BCAP29: variants seen among roughly 807,000 people sequenced by gnomAD.
The protein encoded by BCAP29 is B-cell receptor-associated protein 29.
Under a neutral mutation model 31.8 loss-of-function variants are expected in BCAP29, and 34 were observed. The ratio of observed to expected loss-of-function variants is 1.07; its 90% CI spans 0.81 to 1.42. The LOEUF (loss-of-function observed/expected upper bound fraction) is 1.42. BCAP29 is among the 40% of genes most tolerant of loss of function. The pLI, the probability that BCAP29 is intolerant of heterozygous loss-of-function variation, is 0.00. For missense variants in BCAP29, 314 were observed against 269.2 expected, an observed-to-expected ratio of 1.17 and a Z score of -1.16; for synonymous variants, 104 against 91.3, an observed-to-expected ratio of 1.14 and a Z score of -0.79.
chr7:107,598,438 G>C (rs1028166820), intron 5 of BCAP29, among the ~76,000 whole-genome samples: 1 of 152,040 alleles, frequency 6.6e-6, no homozygotes, highest in African/African-American at 2.4e-5. Flanking sequence ...ATATGCATTA[G>C]AGCTTTAATT....
chr7:107,599,309 T>A lies in BCAP29; in HGVS notation c.481-1088T>A, dbSNP rs548359629. 3.2e-3 allele frequency among the ~76,000 whole-genome samples: 217 copies of A among 68,306 alleles called. 2 individuals are homozygous for A. The highest frequency in any genetic ancestry group is 8.6e-3 in the African/African-American group (129 of 14,956). 44.8% of individuals were successfully genotyped at this position (68,306 alleles called of 152,430 possible). Reference sequence around the variant, plus strand: ...TTTATATATAAATTATATATAAATTTTATATATATATATATAAATATATAT... The same window carrying A: ...TTTATATATAAATTATATATAAATTATATATATATATATATAAATATATAT... On this transcript the variant is annotated intron_variant, in intron 5 of 7. Coordinates refer to ENST00000005259, the MANE Select transcript of BCAP29 (RefSeq NM_018844.4).
Position 107,601,223 on chromosome 7 carries a change from G to T in BCAP29, c.589+718G>T, listed in dbSNP as rs1280490464. ...CAAGAAAACTCAGTGTAAGTTTGTG[G>T]CTTGATGATTTGCAACATTTCTGCA... On this transcript the variant is annotated intron_variant, in intron 6 of 7. Coordinates refer to ENST00000005259, the MANE Select transcript of BCAP29 (RefSeq NM_018844.4). Among the ~76,000 whole-genome samples the T allele has an allele frequency of 5.3e-5, 8 of 152,242 alleles. 2 individuals are homozygous for T. Among genetic ancestry groups the T allele is most frequent in the African/African-American group, 1.9e-4 (8 of 41,538 alleles).
At chr7:107,598,742 C>T (rs901221365) in intron 5 of BCAP29, among the ~76,000 whole-genome samples, 1 of 151,696 alleles carries the variant, frequency 6.6e-6, no homozygotes, top group African/African-American at 2.4e-5. Context: ...CTCCTGTGTT[C>T]CTTTTTTACC....
At chr7:107,598,969 T>A (rs1810371424) in intron 5 of BCAP29, among the ~76,000 whole-genome samples, 1 of 137,234 alleles carries the variant, frequency 7.3e-6, no homozygotes. Flanking sequence ...ATATATAAAT[T>A]TATATATCTA....
chr7:107,608,559 C>T (rs948470525), intron 6 of BCAP29, among the ~76,000 whole-genome samples: 1 of 151,910 alleles, frequency 6.6e-6, no homozygotes, highest in East Asian at 1.9e-4. Context: ...CATTTCCTGC[C>T]CCATTCTTAG....
intron 6 of BCAP29, among the ~76,000 whole-genome samples, chr7:107,602,632 A>G (rs1174587252): frequency 6.6e-6 from 1 of 152,150 alleles, no homozygotes; most frequent in African/African-American, 2.4e-5. Flanking sequence ...ACTTAAATCT[A>G]AGTGAAACAT....
chr7:107,611,115 T>C (rs1813045509), intron 6 of BCAP29, among the ~76,000 whole-genome samples: 1 of 152,160 alleles, frequency 6.6e-6, no homozygotes, highest in African/African-American at 2.4e-5. Flanking sequence ...TGGGGCCTCT[T>C]TTTATTAGTG....
intron 5 of BCAP29, among the ~76,000 whole-genome samples, chr7:107,596,900 A>G (rs575731769): frequency 3.5e-4 from 53 of 152,250 alleles, no homozygotes; most frequent in African/African-American, 1.3e-3. Context: ...ATGATTACCA[A>G]TTCCTTGACC....
intron 6 of BCAP29, among the ~76,000 whole-genome samples, chr7:107,608,616 C>T (rs1022327026): frequency 5.3e-5 from 8 of 151,712 alleles, no homozygotes; most frequent in Non-Finnish European, 1.0e-4. Context: ...TTCTTTGGTA[C>T]TATTTATTTA....
rs1238835908 is a variant in BCAP29, at chr7:107,620,320, C to T, written c.*1957C>T. ...ATAATTTGCTAAACATAAAATATTG[C>T]AGTGTATTAGCCGGCTGTGGCTCCA... On this transcript the variant is annotated 3_prime_UTR_variant, in exon 8 of 8. Coordinates refer to ENST00000005259, the MANE Select transcript of BCAP29 (RefSeq NM_018844.4). 6.6e-6 allele frequency: 1 copy of T among 152,148 alleles called. No homozygotes were observed. The highest frequency in any genetic ancestry group is 2.4e-5 in the African/African-American group (1 of 41,444). 9.4% of individuals were successfully genotyped at this position (152,148 alleles called of 1,614,324 possible). A position where few individuals can be genotyped will look rare whatever the true frequency, so the allele number is the denominator to read the frequency against.
intron 5 of BCAP29, among the ~76,000 whole-genome samples, chr7:107,597,528 A>G (rs180908977): frequency 6.6e-6 from 1 of 152,316 alleles, no homozygotes; most frequent in Admixed American, 6.5e-5. Context: ...AATAATAGTT[A>G]ACATTGTGCC....
chr7:107,592,313 A>G (rs1288226965), intron 3 of BCAP29, among the ~76,000 whole-genome samples: 1 of 152,234 alleles, frequency 6.6e-6, no homozygotes, highest in Non-Finnish European at 1.5e-5. Context: ...TGATATACAA[A>G]TGATCAACAA....
intron 4 of BCAP29, among the ~76,000 whole-genome samples, chr7:107,594,487 A>AATTTT (rs1809443982): frequency 1.6e-5 from 1 of 63,058 alleles, no homozygotes; most frequent in Non-Finnish European, 3.1e-5. Context: ...AGCCTACTGT[A>AATTTT]GTTTTGTTTG....
chr7:107,619,940 A>G lies in BCAP29; in HGVS notation c.*1577A>G, dbSNP rs1814774762. ...TTTAGCCATGCTAGCCTAGGCCTCT[A>G]TTTCCTTGTCTCCAAAATGAGAATA... On this transcript the variant is annotated 3_prime_UTR_variant, in exon 8 of 8. Transcript: ENST00000005259. 1 of 152,176 alleles carries G rather than the reference A, an allele frequency of 6.6e-6. No homozygotes were observed. The highest frequency in any genetic ancestry group is 6.5e-5 in the Admixed American group (1 of 15,272). 9.4% of individuals were successfully genotyped at this position (152,176 alleles called of 1,614,324 possible). A position where few individuals can be genotyped will look rare whatever the true frequency, so the allele number is the denominator to read the frequency against.
At chr7:107,581,907 G>A (rs1450539286) in intron 2 of BCAP29, among the ~76,000 whole-genome samples, 1 of 152,098 alleles carries the variant, frequency 6.6e-6, no homozygotes, top group East Asian at 1.9e-4. Context: ...TTCCACCCAT[G>A]TTCTATATAT....
Position 107,583,878 on chromosome 7 carries a change from A to T in BCAP29, c.93-4A>T. The T allele has an allele frequency of 6.6e-7, 1 of 1,519,784 alleles. No homozygotes were observed. The highest frequency in any genetic ancestry group is 9.0e-7 in the Non-Finnish European group (1 of 1,115,580). 94.1% of individuals were successfully genotyped at this position (1,519,784 alleles called of 1,614,324 possible). A position where few individuals can be genotyped will look rare whatever the true frequency, so the allele number is the denominator to read the frequency against. On this transcript the variant is annotated splice_polypyrimidine_tract_variant and splice_region_variant and intron_variant, in intron 2 of 7. Transcript: ENST00000005259. Reference sequence around the variant, plus strand: ...ATACCTAATATAATTGTATTGCTTTACAGATGGCAGAAGATTTTTTCATTT... The same window carrying T: ...ATACCTAATATAATTGTATTGCTTTTCAGATGGCAGAAGATTTTTTCATTT...
intron 3 of BCAP29, among the ~76,000 whole-genome samples, chr7:107,590,059 A>T (rs1021304867): frequency 2.6e-5 from 4 of 152,226 alleles, no homozygotes; most frequent in African/African-American, 9.6e-5. Flanking sequence ...TCACAAAGGA[A>T]ATTAGAAAAT....
intron 3 of BCAP29, among the ~76,000 whole-genome samples, chr7:107,592,679 T>C (rs1230767777): frequency 6.6e-6 from 1 of 152,212 alleles, no homozygotes; most frequent in Non-Finnish European, 1.5e-5. Flanking sequence ...TGGAAACAGC[T>C]CAATGCCATC....
At position 107,610,275 on chromosome 7, in the gene BCAP29, C is replaced by T. The variant is rs192901074; in HGVS notation, c.590-3057C>T. 3.7e-3 allele frequency among the ~76,000 whole-genome samples: 568 copies of T among 152,230 alleles called. 2 individuals carry two copies. Among genetic ancestry groups the T allele is most frequent in the Middle Eastern group, 0.02 (6 of 294 alleles). The stretch of plus-strand genomic sequence containing the variant: ...TTCTTAGCAAATATCTCAGTATTTC[C>T]ATAAAGCCACTGGCAAGTGATAGCA... On this transcript the variant is annotated intron_variant, in intron 6 of 7. Coordinates refer to ENST00000005259, the MANE Select transcript of BCAP29 (RefSeq NM_018844.4).
Sources: gnomAD v4.1 joint callset for allele counts (sites outside exome capture counted in the v4.1 genomes callset) on GRCh38, gnomAD v4.1.1 for gene constraint, MANE v1.5 for transcripts, NCBI Gene and HGNC (gene_info 2026-07-23, HGNC 2026-07-21) for gene names.